Variants in PRUNE2 observed in about 807,000 individuals in gnomAD.
PRUNE2 encodes prune homolog 2 with BCH domain.
PRUNE2 carries 164 observed loss-of-function variants against 252.0 expected under a neutral mutation model. The observed-to-expected ratio is 0.65, with a 90% CI of 0.57 to 0.74. PRUNE2 has a LOEUF of 0.74. Among genes scored for constraint, PRUNE2 ranks in the 30% least tolerant of loss-of-function variants. PRUNE2 has a pLI of 0.00. For synonymous variants in PRUNE2, 1,292 were observed against 1,350.2 expected (o/e 0.96, Z 0.94); for missense variants, 3,495 against 3,711.0 (o/e 0.94, Z 1.51).
intron 9 of PRUNE2, among the ~76,000 whole-genome samples, chr9:76,696,496 G>A (rs1326808824): frequency 6.6e-6 from 1 of 152,048 alleles, no homozygotes; most frequent in Non-Finnish European, 1.5e-5. Context: ...CATGATCTCG[G>A]CTCACTGCAA....
intron 6 of PRUNE2, among the ~76,000 whole-genome samples, chr9:76,775,027 C>G (rs1485025670): frequency 8.6e-5 from 13 of 152,040 alleles, no homozygotes; most frequent in Non-Finnish European, 1.9e-4. Flanking sequence ...TCTGTAATCA[C>G]TCAGTGAATT....
chr9:76,882,820 C>A (rs905959321), intron 1 of PRUNE2, among the ~76,000 whole-genome samples: 4 of 152,158 alleles, frequency 2.6e-5, no homozygotes, highest in Admixed American at 2.6e-4. Context: ...GACACATATC[C>A]AAACCAGGTC....
intron 6 of PRUNE2, chr9:76,788,560 A>G (rs1262343716): frequency 7.0e-6 from 5 of 716,522 alleles, no homozygotes; most frequent in Non-Finnish European, 1.3e-5. Flanking sequence ...GTTGACAACA[A>G]TGACAGTGTG....
rs1452433649 is a variant in PRUNE2, at chr9:76,764,582, G to C, written c.757-50861C>G. ...TCTGTAGGCCATGGGAATGGGTTTG[G>C]AATTTTATTCAAAGAGCTATGGGAA... is the stretch of plus-strand genomic sequence containing the variant. On this transcript the variant is annotated intron_variant, in intron 6 of 18. Coordinates refer to ENST00000376718, the MANE Select transcript of PRUNE2 (RefSeq NM_015225.3). 5.9e-5 allele frequency: 9 copies of C among 152,268 alleles called. No homozygotes were observed. The East Asian group carries it at 1.7e-3, about 29-fold the overall frequency. The allele number at this position is 152,268 out of a possible 1,614,324, so 9.4% of individuals were successfully genotyped here. A position where few individuals can be genotyped will look rare whatever the true frequency, so the allele number is the denominator to read the frequency against.
rs185001450 is a variant in PRUNE2 at position 76,838,200 on chromosome 9, G to A, written c.508+8315C>T. Among the ~76,000 whole-genome samples, 29 of 149,246 alleles carry A rather than the reference G, an allele frequency of 1.9e-4. No homozygotes were observed. The East Asian group carries it at 5.5e-3, about 28-fold the overall frequency. On this transcript the variant is annotated intron_variant, in intron 4 of 18. Transcript: ENST00000376718. ...TATTATACTGCATGCATTTTTGTAA[G>A]CCTCCTCAAATATTTTATGGAAGAA...
chr9:76,663,281 T>A (rs1212960378), intron 9 of PRUNE2, among the ~76,000 whole-genome samples: 1 of 152,116 alleles, frequency 6.6e-6, no homozygotes, highest in East Asian at 1.9e-4. Flanking sequence ...CTAGAACAGG[T>A]AAGCACTGTG....
chr9:76,793,669 T>C (rs1249298178), intron 6 of PRUNE2, among the ~76,000 whole-genome samples: 1 of 152,066 alleles, frequency 6.6e-6, no homozygotes, highest in South Asian at 2.1e-4. Context: ...CTTAGAATCA[T>C]AGAAGTTTTT....
chr9:76,806,300 A>G (rs2056927080), intron 6 of PRUNE2, among the ~76,000 whole-genome samples: 1 of 152,216 alleles, frequency 6.6e-6, no homozygotes. Flanking sequence ...GCTAAGAGAA[A>G]TCAGGATAAA....
intron 3 of PRUNE2, among the ~76,000 whole-genome samples, chr9:76,848,956 G>A (rs1240642304): frequency 3.3e-5 from 5 of 152,146 alleles, no homozygotes; most frequent in African/African-American, 7.2e-5. Context: ...GGGCAGTGGT[G>A]TAATCACAGC....
In PRUNE2 at chr9:76,889,935, T is replaced by C. The variant is rs1364766395; in HGVS notation, c.36+15993A>G. Among the ~76,000 whole-genome samples the C allele has an allele frequency of 5.3e-5, 8 of 152,272 alleles. No homozygotes were observed. In the East Asian group the frequency reaches 1.5e-3, roughly 29 times the overall value. ...CAAAATCCCGGGTTCTACCCCAAAGTGTACTGAATCAGAGTCCGCCTTTCA... is the reference window on the plus strand; with the variant it reads ...CAAAATCCCGGGTTCTACCCCAAAGCGTACTGAATCAGAGTCCGCCTTTCA... On this transcript the variant is annotated intron_variant, in intron 1 of 18. Transcript: ENST00000376718.
At chr9:76,807,193 C>T (rs1044590214) in intron 6 of PRUNE2, among the ~76,000 whole-genome samples, 1 of 151,702 alleles carries the variant, frequency 6.6e-6, no homozygotes, top group East Asian at 1.9e-4. Context: ...CCTCAGCCAG[C>T]CTCCAAAGTA....
At chr9:76,629,829 T>A (rs916620287) in intron 15 of PRUNE2, among the ~76,000 whole-genome samples, 1 of 152,160 alleles carries the variant, frequency 6.6e-6, no homozygotes, top group African/African-American at 2.4e-5. Context: ...AGATGCCACA[T>A]ATAAGTGAGA....
chr9:76,708,925 T>C lies in PRUNE2; in HGVS notation c.3349A>G (p.Arg1117Gly), dbSNP rs765800217. 1.2e-6 allele frequency: 2 copies of C among 1,614,030 alleles called. No homozygotes were observed. Among genetic ancestry groups the C allele is most frequent in the South Asian group, 2.2e-5 (2 of 91,082 alleles). The change falls in exon 8 of 19, where the codon AGA becomes GGA. Residue 1117 changes from arginine to glycine, a missense_variant. By Grantham distance (125) the Arg-to-Gly change is moderately radical. Transcript: ENST00000376718. ...TAPDSLDLWN[R>G]VILEDTQSTA... is the part of the protein sequence containing the mutation. ...GACTGAGTATCCTCCAAAATCACTC[T>C]GTTCCACAAGTCGAGACTGTCAGGG...
intron 1 of PRUNE2, among the ~76,000 whole-genome samples, chr9:76,880,735 G>A (rs1197849471): frequency 2.0e-5 from 3 of 152,152 alleles, no homozygotes; most frequent in Non-Finnish European, 4.4e-5. Flanking sequence ...GCAATTGTGC[G>A]ATTATTTGAA....
At chr9:76,755,560 C>A (rs548685960) in intron 6 of PRUNE2, among the ~76,000 whole-genome samples, 1 of 152,224 alleles carries the variant, frequency 6.6e-6, no homozygotes, top group Admixed American at 6.5e-5. Context: ...AATCTAGAAG[C>A]CTGCCTTGAG....
At chr9:76,636,628 AT>A (rs1840180433) in intron 14 of PRUNE2, 71 bp from the exon 15 acceptor site, 1 of 804,084 alleles carries the variant, frequency 1.2e-6, no homozygotes, top group Admixed American at 2.3e-5. Flanking sequence ...CATAAAACAT[AT>A]TCCTAAATAA....
chr9:76,774,450 CTTTTTTTTTTTTTT>C (rs869289049), intron 6 of PRUNE2, among the ~76,000 whole-genome samples: 4 of 41,402 alleles, frequency 9.7e-5, no homozygotes, highest in African/African-American at 5.7e-4. Context: ...CAGTTCAACC[CTTTTTTTTTTTTTT>C]TTTTTTTTTT....
intron 1 of PRUNE2, among the ~76,000 whole-genome samples, chr9:76,855,678 T>A (rs537255290): frequency 1.3e-5 from 2 of 152,152 alleles, no homozygotes; most frequent in East Asian, 3.9e-4. Flanking sequence ...ATATGTAACA[T>A]TGCTAAATTA....
At chr9:76,732,086 G>A (rs1000747086) in intron 6 of PRUNE2, among the ~76,000 whole-genome samples, 2 of 152,162 alleles carry the variant, frequency 1.3e-5, no homozygotes, top group East Asian at 1.9e-4. Context: ...AGGCCGAGGC[G>A]GGTGGATCAC....
Sources: allele counts gnomAD v4.1 joint callset (sites outside exome capture counted in the v4.1 genomes callset), GRCh38; gene constraint gnomAD v4.1.1; transcripts MANE v1.5; gene names NCBI Gene and HGNC (gene_info 2026-07-23, HGNC 2026-07-21).